The following PRELID2 variants were observed in gnomAD, a reference collection of about 807,000 sequenced individuals.
The protein encoded by PRELID2 is PRELI domain-containing protein 2.
A neutral mutation model predicts 28.4 loss-of-function variants in PRELID2; 25 were observed. The observed-to-expected ratio is 0.88, with a 90% CI of 0.64 to 1.23. The LOEUF (loss-of-function observed/expected upper bound fraction) is 1.23, where lower values mean the gene tolerates loss of function less well. Ranked by LOEUF, PRELID2 falls within the 50% of genes most tolerant of loss-of-function variation. The pLI is 0.00. For missense variants in PRELID2, 201 were observed against 214.4 expected (o/e 0.94, Z 0.39); for synonymous variants, 76 against 71.6 (o/e 1.06, Z -0.31).
intron 1 of PRELID2, among the ~76,000 whole-genome samples, chr5:145,699,642 G>A (rs574593478): frequency 6.6e-6 from 1 of 152,240 alleles, no homozygotes; most frequent in Non-Finnish European, 1.5e-5. Flanking sequence ...ATTTTTAAAA[G>A]AAACTGATTT....
the PRELID2 span, among the ~76,000 whole-genome samples, chr5:145,241,336 AGCAG>A: frequency 6.6e-6 from 1 of 152,036 alleles, no homozygotes; most frequent in Non-Finnish European, 1.5e-5. Context: ...AAGGACCTAG[AGCAG>A]GTGGAATCAC....
chr5:145,284,111 GATA>G, the PRELID2 span, among the ~76,000 whole-genome samples: 2 of 152,204 alleles, frequency 1.3e-5, no homozygotes, highest in East Asian at 1.9e-4. Context: ...ATAAAATGGG[GATA>G]ATAATAATAT....
chr5:145,280,011 C>T, the PRELID2 span, among the ~76,000 whole-genome samples: 1 of 152,026 alleles, frequency 6.6e-6, no homozygotes, highest in African/African-American at 2.4e-5. Flanking sequence ...CATCAACACA[C>T]GTTTTTCGTT....
intron 1 of PRELID2, among the ~76,000 whole-genome samples, chr5:145,826,886 C>T (rs1242102159): frequency 1.3e-5 from 2 of 152,056 alleles, no homozygotes; most frequent in Non-Finnish European, 2.9e-5. Context: ...TTTCAGAAAG[C>T]CTACTCTTAA....
intron 1 of PRELID2, among the ~76,000 whole-genome samples, chr5:145,543,735 T>C (rs1376218667): frequency 2.0e-5 from 3 of 152,000 alleles, no homozygotes; most frequent in African/African-American, 7.2e-5. Context: ...GGCATTTTTT[T>C]CCCCCTCCAA....
intron 1 of PRELID2, among the ~76,000 whole-genome samples, chr5:145,508,292 A>ATAGATAGG (rs765048800): frequency 6.6e-6 from 1 of 152,094 alleles, no homozygotes; most frequent in Non-Finnish European, 1.5e-5. Context: ...AGATAGATAG[A>ATAGATAGG]TAGATTAAAA....
At chr5:145,393,987 T>G in the PRELID2 span, among the ~76,000 whole-genome samples, 1 of 152,198 alleles carries the variant, frequency 6.6e-6, no homozygotes, top group African/African-American at 2.4e-5. Flanking sequence ...TTGGTGGGAC[T>G]GTAAACTAGT....
the PRELID2 span, among the ~76,000 whole-genome samples, chr5:145,347,763 T>C: frequency 6.6e-6 from 1 of 152,098 alleles, no homozygotes; most frequent in Non-Finnish European, 1.5e-5. Context: ...ACTGTAGTGG[T>C]AGATAATATA....
chr5:145,549,108 G>A lies in PRELID2; in HGVS notation n.71-75793C>T, dbSNP rs78573773. 9.8e-3 allele frequency among the ~76,000 whole-genome samples: 1,497 copies of A among 152,246 alleles called. 7 individuals are homozygous for A. Among genetic ancestry groups the A allele is most frequent in the African/African-American group, 0.015 (642 of 41,548 alleles). ...GAAAGTCCTGAGCTCCCCTACAGAT[G>A]TGATTGTGCACCCCTCTAGTGTGCT... On this transcript the variant is annotated intron_variant and non_coding_transcript_variant, in intron 1 of 2. Transcript: ENST00000510259.
At chr5:145,414,218 G>A in the PRELID2 span, among the ~76,000 whole-genome samples, 1 of 152,146 alleles carries the variant, frequency 6.6e-6, no homozygotes, top group African/African-American at 2.4e-5. Flanking sequence ...GTTAAAGAAA[G>A]AAAGAGTTAT....
the PRELID2 span, among the ~76,000 whole-genome samples, chr5:145,449,552 G>C: frequency 2.6e-5 from 4 of 152,132 alleles, no homozygotes; most frequent in African/African-American, 4.8e-5. Flanking sequence ...AGGGGTACGT[G>C]GTGGGCCAAA....
At chr5:145,764,378 T>G (rs766488727) in intron 6 of PRELID2, among the ~76,000 whole-genome samples, 4 of 152,174 alleles carry the variant, frequency 2.6e-5, no homozygotes, top group African/African-American at 4.8e-5. Flanking sequence ...CCTGTGCCCA[T>G]GGCAGACACT....
intron 4 of PRELID2, among the ~76,000 whole-genome samples, chr5:145,816,034 AATTTATCCAC>A (rs1420918586): frequency 6.7e-5 from 10 of 150,368 alleles, no homozygotes; most frequent in Non-Finnish European, 1.2e-4. Context: ...TAAGGGTTCT[AATTTATCCAC>A]ATATCCACAA....
At chr5:145,316,849 T>A in the PRELID2 span, among the ~76,000 whole-genome samples, 1 of 152,236 alleles carries the variant, frequency 6.6e-6, no homozygotes, top group African/African-American at 2.4e-5. Context: ...TTTGCTAACA[T>A]GTATATATGC....
chr5:145,499,104 C>T (rs552796706), intron 1 of PRELID2, among the ~76,000 whole-genome samples: 13 of 151,864 alleles, frequency 8.6e-5, no homozygotes, highest in East Asian at 7.7e-4. Flanking sequence ...AAAAATTAGC[C>T]GGGTGTGGTG....
chr5:145,540,740 T>C (rs569063321), intron 1 of PRELID2, among the ~76,000 whole-genome samples: 1 of 149,696 alleles, frequency 6.7e-6, no homozygotes, highest in Non-Finnish European at 1.5e-5. Context: ...AGGAGACTGT[T>C]TTGGGGAAAA....
At chr5:145,755,206 G>A (rs547857144), downstream of PRELID2, among the ~76,000 whole-genome samples, 38 of 152,208 alleles carry the variant, frequency 2.5e-4, no homozygotes, top group African/African-American at 9.2e-4. Context: ...AGCAAAGGTC[G>A]TGGCAACCGT....
the PRELID2 span, among the ~76,000 whole-genome samples, chr5:145,288,443 G>C: frequency 6.6e-6 from 1 of 151,756 alleles, no homozygotes; most frequent in East Asian, 1.9e-4. Flanking sequence ...TTTTACTTTT[G>C]TTTCTGAGCA....
the PRELID2 span, among the ~76,000 whole-genome samples, chr5:145,363,973 T>G: frequency 6.6e-6 from 1 of 152,020 alleles, no homozygotes; most frequent in Admixed American, 6.6e-5. Flanking sequence ...TGTACGCTAT[T>G]GCTACATTTG....
Sources: allele counts gnomAD v4.1 joint callset (sites outside exome capture counted in the v4.1 genomes callset), GRCh38; gene constraint gnomAD v4.1.1; transcripts MANE v1.5; gene names NCBI Gene and HGNC (gene_info 2026-07-23, HGNC 2026-07-21).